The following PALM2AKAP2 variants were observed in gnomAD, a reference collection of about 807,000 sequenced individuals.
PALM2AKAP2 encodes the protein PALM2 and AKAP2 fusion.
A neutral mutation model predicts 71.5 loss-of-function variants in PALM2AKAP2; 37 were observed. That is an observed-to-expected ratio of 0.52 (90% CI 0.40 to 0.68). The LOEUF (loss-of-function observed/expected upper bound fraction) is 0.68, where lower values mean the gene tolerates loss of function less well. Among genes scored for constraint, PALM2AKAP2 ranks in the 30% least tolerant of loss-of-function variants. PALM2AKAP2 has a pLI of 0.00. For synonymous variants in PALM2AKAP2, 468 were observed against 478.8 expected, an observed-to-expected ratio of 0.98 and a Z score of 0.29; for missense variants, 1,224 against 1,191.8, an observed-to-expected ratio of 1.03 and a Z score of -0.40.
chr9:109,827,748 A>G (rs570828406), intron 1 of PALM2AKAP2, among the ~76,000 whole-genome samples: 17 of 152,184 alleles, frequency 1.1e-4, no homozygotes, highest in Non-Finnish European at 2.5e-4. Context: ...CAAGACAGTC[A>G]CGGACAAAAG....
At chr9:109,811,709 C>G (rs1827731592) in intron 1 of PALM2AKAP2, among the ~76,000 whole-genome samples, 3 of 152,020 alleles carry the variant, frequency 2.0e-5, no homozygotes, top group Admixed American at 2.0e-4. Flanking sequence ...GTAGCTGTGA[C>G]TACAGGTGTG....
intron 1 of PALM2AKAP2, among the ~76,000 whole-genome samples, chr9:109,647,100 T>C (rs1179289999): frequency 6.6e-6 from 1 of 151,806 alleles, no homozygotes; most frequent in African/African-American, 2.4e-5. Flanking sequence ...GCAAACATCA[T>C]AGAGTTGGAA....
At chr9:109,697,408 TAGAA>T (rs1337369700) in intron 1 of PALM2AKAP2, among the ~76,000 whole-genome samples, 10 of 152,182 alleles carry the variant, frequency 6.6e-5, no homozygotes, top group African/African-American at 2.4e-4. Flanking sequence ...TCTATGAAAT[TAGAA>T]GGAAGAAGAT....
At chr9:110,154,975 G>A (rs931768728) in intron 2 of PALM2AKAP2, among the ~76,000 whole-genome samples, 13 of 152,218 alleles carry the variant, frequency 8.5e-5, no homozygotes, top group Admixed American at 6.5e-4. Context: ...ATTGAAATGG[G>A]AATATGAAAC....
At chr9:110,112,707 T>C (rs2118950516) in intron 1 of PALM2AKAP2, among the ~76,000 whole-genome samples, 1 of 152,336 alleles carries the variant, frequency 6.6e-6, no homozygotes, top group African/African-American at 2.4e-5. Flanking sequence ...AGAGGCAAGA[T>C]AGTGGTTAAA....
At chr9:110,061,683 TACAC>T (rs1265631546) in intron 1 of PALM2AKAP2, among the ~76,000 whole-genome samples, 3 of 150,708 alleles carry the variant, frequency 2.0e-5, no homozygotes, top group Admixed American at 2.0e-4. Flanking sequence ...GTACAACAGG[TACAC>T]ACCACCACGC....
intron 1 of PALM2AKAP2, among the ~76,000 whole-genome samples, chr9:109,684,158 T>C (rs1827776460): frequency 6.6e-6 from 1 of 152,152 alleles, no homozygotes; most frequent in African/African-American, 2.4e-5. Context: ...GCAAACTCTG[T>C]GTAGGAAGGT....
chr9:109,809,579 A>G (rs1486287403), intron 1 of PALM2AKAP2, among the ~76,000 whole-genome samples: 2 of 152,192 alleles, frequency 1.3e-5, no homozygotes, highest in East Asian at 3.9e-4. Context: ...CTTGTCTCAG[A>G]TGAGACTTTG....
chr9:110,058,340 A>G (rs2017392), intron 1 of PALM2AKAP2, among the ~76,000 whole-genome samples: 39,187 of 152,120 alleles, frequency 0.26, 5,866 homozygotes, highest in East Asian at 0.4. Context: ...TCAAACAATA[A>G]TATCAGGGAT....
chr9:110,112,251 T>C (rs781625079), intron 1 of PALM2AKAP2, among the ~76,000 whole-genome samples: 34 of 151,504 alleles, frequency 2.2e-4, no homozygotes, highest in Non-Finnish European at 3.8e-4. Flanking sequence ...TGACACATCA[T>C]GTGTTTTGGA....
At chr9:109,860,261 TC>T (rs1265271300) in intron 1 of PALM2AKAP2, among the ~76,000 whole-genome samples, 1 of 152,166 alleles carries the variant, frequency 6.6e-6, no homozygotes, top group East Asian at 1.9e-4. Context: ...TTCTTTTTTT[TC>T]CCCTCAGATG....
intron 1 of PALM2AKAP2, among the ~76,000 whole-genome samples, chr9:109,766,200 C>G (rs528501302): frequency 1.3e-5 from 2 of 152,276 alleles, no homozygotes; most frequent in African/African-American, 4.8e-5. Context: ...AACGTTTTGC[C>G]CATAAAAGGG....
At chr9:109,915,805 T>C (rs180896465) in intron 3 of PALM2AKAP2, among the ~76,000 whole-genome samples, 405 of 152,202 alleles carry the variant, frequency 2.7e-3, no homozygotes, top group Middle Eastern at 6.8e-3. Context: ...TCATCATTGA[T>C]GGGGAAGGAA....
chr9:109,702,677 AG>A (rs1164907759), intron 1 of PALM2AKAP2, among the ~76,000 whole-genome samples: 2 of 151,910 alleles, frequency 1.3e-5, no homozygotes, highest in East Asian at 3.9e-4. Flanking sequence ...ACACCAACAT[AG>A]CACATGTATA....
rs1832947848 is a variant in PALM2AKAP2 at position 110,014,804 on chromosome 9, AT to A, written c.497-1149del. Among the ~76,000 whole-genome samples, 27 of 4,282 alleles carry A rather than the reference AT, an allele frequency of 6.3e-3. 1 individual carries two copies. Among genetic ancestry groups the A allele is most frequent in the Non-Finnish European group, 0.012 (20 of 1,720 alleles). 2.8% of individuals were successfully genotyped at this position (4,282 alleles called of 152,430 possible). A position where few individuals can be genotyped will look rare whatever the true frequency, so the allele number is the denominator to read the frequency against. ...CAAAAAAAAAAAAAAAAAAAAAAAA[AT>A]GTATATATATATATATATATATATA... is the stretch of plus-strand genomic sequence containing the variant. On this transcript the variant is annotated intron_variant, in intron 6 of 9. Transcript: ENST00000302798.
intron 6 of PALM2AKAP2, among the ~76,000 whole-genome samples, chr9:109,951,500 T>C (rs1288852826): frequency 6.6e-6 from 1 of 152,226 alleles, no homozygotes; most frequent in African/African-American, 2.4e-5. Context: ...GTGCCCTGAT[T>C]CTTTCCCCTT....
In PALM2AKAP2 at chr9:110,109,040, C is replaced by T. The variant is rs566524284; in HGVS notation, c.157-27087C>T. 5.3e-5 allele frequency among the ~76,000 whole-genome samples: 8 copies of T among 151,654 alleles called. No homozygotes were observed. The South Asian group carries it at 1.0e-3, about 20-fold the overall frequency. On this transcript the variant is annotated intron_variant, in intron 1 of 3. Coordinates refer to ENST00000374525, the Ensembl canonical transcript of PALM2AKAP2. ...GTTGTTAAAACTTCAGAAACCGGTC[C>T]GGCGCGGTGGCTCATGCCTGTAATC... is the stretch of plus-strand genomic sequence containing the variant.
chr9:109,978,603 T>G (rs988109173), intron 6 of PALM2AKAP2, among the ~76,000 whole-genome samples: 6 of 152,190 alleles, frequency 3.9e-5, no homozygotes, highest in Admixed American at 3.3e-4. Context: ...CACTCAGGCT[T>G]TCACAGGCCA....
intron 1 of PALM2AKAP2, among the ~76,000 whole-genome samples, chr9:110,055,170 GT>G (rs34263454): frequency 1.4e-4 from 20 of 147,762 alleles, no homozygotes; most frequent in African/African-American, 2.0e-4. Flanking sequence ...TAGTTTTTTA[GT>G]TTTTTTTTTT....
Sources: gnomAD v4.1 joint callset for allele counts (sites outside exome capture counted in the v4.1 genomes callset) on GRCh38, gnomAD v4.1.1 for gene constraint, MANE v1.5 for transcripts, NCBI Gene and HGNC (gene_info 2026-07-23, HGNC 2026-07-21) for gene names.